HSD17B3: variants seen among roughly 807,000 people sequenced by gnomAD.
HSD17B3 encodes the protein hydroxysteroid 17-beta dehydrogenase 3, also known as 17-beta-hydroxysteroid dehydrogenase type 3.
In HSD17B3, 29 loss-of-function variants were observed where a neutral mutation model predicts 41.1. The observed-to-expected ratio is 0.71, with a 90% CI of 0.53 to 0.96. The LOEUF (loss-of-function observed/expected upper bound fraction) is 0.96, where lower values mean the gene tolerates loss of function less well. HSD17B3 is among the 40% of genes least tolerant of loss of function. The pLI is 0.00. For missense variants in HSD17B3, 323 were observed against 374.6 expected, an observed-to-expected ratio of 0.86 and a Z score of 1.14; for synonymous variants, 126 against 145.6, an observed-to-expected ratio of 0.87 and a Z score of 0.97.
chr9:96,241,647 GA>G (rs917905767), intron 9 of HSD17B3, among the ~76,000 whole-genome samples: 2 of 152,026 alleles, frequency 1.3e-5, no homozygotes, highest in East Asian at 3.9e-4. Flanking sequence ...TCTTTAGAAA[GA>G]AAAAAGGCTG....
chr9:96,286,957 G>A (rs571998702), intron 2 of HSD17B3, among the ~76,000 whole-genome samples: 10 of 152,254 alleles, frequency 6.6e-5, no homozygotes, highest in Admixed American at 2.0e-4. Flanking sequence ...CTTTACTTTC[G>A]TAATAATCTT....
At chr9:96,281,714 T>C (rs1027402695) in intron 2 of HSD17B3, among the ~76,000 whole-genome samples, 1 of 152,174 alleles carries the variant, frequency 6.6e-6, no homozygotes, top group Admixed American at 6.5e-5. Context: ...AACTTTTTCC[T>C]CCCTAAAAGG....
chr9:96,237,576 G>A (rs1321241871), intron 10 of HSD17B3, among the ~76,000 whole-genome samples: 2 of 152,214 alleles, frequency 1.3e-5, no homozygotes, highest in South Asian at 2.1e-4. Flanking sequence ...GGTGGAGGGC[G>A]TGCTATCTTT....
chr9:96,267,297 C>T (rs1166950953), intron 2 of HSD17B3, among the ~76,000 whole-genome samples: 1 of 151,846 alleles, frequency 6.6e-6, no homozygotes, highest in East Asian at 1.9e-4. Flanking sequence ...GCTGGGATTA[C>T]AGACACATGC....
At position 96,273,678 on chromosome 9, in the gene HSD17B3, A is replaced by T. The variant is rs374281501; in HGVS notation, c.202-18735T>A. 5.9e-5 allele frequency among the ~76,000 whole-genome samples: 9 copies of T among 152,170 alleles called. No individual in the cohort carries two copies. In the East Asian group the frequency reaches 1.7e-3, roughly 29 times the overall value. ...CTGTACCCTCAACTCTGACACCAGG[A>T]GGGATCCCCTTGGTCATAACTTCCC... On this transcript the variant is annotated intron_variant, in intron 2 of 10. Transcript: ENST00000375263.
At chr9:96,273,637 C>T (rs932743272) in intron 2 of HSD17B3, among the ~76,000 whole-genome samples, 2 of 152,176 alleles carry the variant, frequency 1.3e-5, no homozygotes, top group African/African-American at 4.8e-5. Flanking sequence ...CCAGCCTTGG[C>T]ACCACCATGC....
At chr9:96,240,710 G>C (rs774113661) in intron 10 of HSD17B3, 48 bp downstream of exon 10, 1 of 1,605,378 alleles carries the variant, frequency 6.2e-7, no homozygotes, top group Non-Finnish European at 8.5e-7. Context: ...AGGGCCACCT[G>C]CGTGTCCTCC....
At chr9:96,250,390 T>C in intron 5 of HSD17B3, 1 of 1,068,180 alleles carries the variant, frequency 9.4e-7, no homozygotes, top group African/African-American at 1.6e-5. Flanking sequence ...CAGAGAGGAG[T>C]TCAGGAGTTT....
intron 2 of HSD17B3, among the ~76,000 whole-genome samples, chr9:96,261,168 C>T (rs923693561): frequency 6.6e-6 from 1 of 151,774 alleles, no homozygotes; most frequent in Non-Finnish European, 1.5e-5. Context: ...ATCTAATGAG[C>T]AGGAGATTGT....
intron 2 of HSD17B3, among the ~76,000 whole-genome samples, chr9:96,280,633 T>G (rs1053235727): frequency 9.9e-5 from 15 of 152,142 alleles, no homozygotes; most frequent in African/African-American, 3.6e-4. Flanking sequence ...CAGAGGTATT[T>G]GAGCCACAGC....
intron 2 of HSD17B3, among the ~76,000 whole-genome samples, chr9:96,269,563 A>G (rs1234858400): frequency 6.6e-6 from 1 of 152,176 alleles, no homozygotes; most frequent in African/African-American, 2.4e-5. Context: ...TCATTCATCC[A>G]TGTCGGCATG....
intron 2 of HSD17B3, among the ~76,000 whole-genome samples, chr9:96,295,648 T>C (rs1490581017): frequency 6.6e-6 from 1 of 152,200 alleles, no homozygotes; most frequent in Admixed American, 6.5e-5. Context: ...GAGGAGCTTT[T>C]TTAACTGACA....
At chr9:96,285,151 TA>T (rs929696171) in intron 2 of HSD17B3, among the ~76,000 whole-genome samples, 1 of 152,054 alleles carries the variant, frequency 6.6e-6, no homozygotes, top group Non-Finnish European at 1.5e-5. Flanking sequence ...AGCCAATTTT[TA>T]AAAAAAGCTA....
Position 96,240,873 on chromosome 9 carries a change from G to C in HSD17B3, c.707C>G (p.Thr236Arg), listed in dbSNP as rs768700979. ...LTPYAVSTAM[T>R]KYLNTNVITK... ...TATCACATTTGTATTTAGATACTTTGTCATTGCAGTCGAGACAGCATATGG... is the reference window on the plus strand; with the variant it reads ...TATCACATTTGTATTTAGATACTTTCTCATTGCAGTCGAGACAGCATATGG... The change falls in exon 10 of 11, where the codon ACA (threonine) becomes AGA (arginine). Residue 236 changes from threonine (T) to arginine (R), a missense_variant. By Grantham distance (71) the Thr-to-Arg change is moderately conservative. Coordinates refer to ENST00000375263, the MANE Select transcript of HSD17B3 (RefSeq NM_000197.2). 2 of 1,614,166 alleles carry C rather than the reference G, an allele frequency of 1.2e-6. No homozygotes were observed. Among genetic ancestry groups the C allele is most frequent in the Non-Finnish European group, 1.7e-6 (2 of 1,180,004 alleles).
intron 2 of HSD17B3, among the ~76,000 whole-genome samples, chr9:96,297,470 C>A (rs1185858067): frequency 6.6e-6 from 1 of 151,658 alleles, no homozygotes; most frequent in African/African-American, 2.4e-5. Flanking sequence ...CCTCAGCCTC[C>A]CAAGTAGCTG....
chr9:96,250,475 C>T (rs928832282), intron 5 of HSD17B3: 12 of 1,058,618 alleles, frequency 1.1e-5, no homozygotes, highest in Admixed American at 1.0e-4. Flanking sequence ...TTACACAGGA[C>T]GATGGGATAC....
Position 96,288,613 on chromosome 9 carries a change from A to C in HSD17B3, c.201+9803T>G, listed in dbSNP as rs531871001. On this transcript the variant is annotated intron_variant, in intron 2 of 10. Coordinates refer to ENST00000375263, the MANE Select transcript of HSD17B3 (RefSeq NM_000197.2). ...CCAGGCAACACAGCAAGACACCCCC[A>C]CCACCACCACCATCTCTACAAAAAT... is the stretch of plus-strand genomic sequence containing the variant. Among the ~76,000 whole-genome samples, 569 of 151,880 alleles carry C rather than the reference A, an allele frequency of 3.7e-3. 9 individuals carry two copies. The highest frequency in any genetic ancestry group is 0.013 in the African/African-American group (531 of 41,404).
chr9:96,246,270 C>T lies in HSD17B3; in HGVS notation c.524+286G>A, dbSNP rs899928737. On this transcript the variant is annotated intron_variant, in intron 7 of 10. Coordinates refer to ENST00000375263, the MANE Select transcript of HSD17B3 (RefSeq NM_000197.2). ...AACTTCTGAAGTTTTCTTTTACACT[C>T]AACATTAGTTAATTTTTCTTTAATC... 4.6e-5 allele frequency among the ~76,000 whole-genome samples: 7 copies of T among 152,296 alleles called. No individual in the cohort carries two copies. In the East Asian group the frequency reaches 1.4e-3, roughly 29 times the overall value.
chr9:96,290,825 C>A (rs1003779292), intron 2 of HSD17B3, among the ~76,000 whole-genome samples: 6 of 151,602 alleles, frequency 4.0e-5, no homozygotes, highest in Non-Finnish European at 8.8e-5. Flanking sequence ...CAGAGTGAGA[C>A]CGGGCAAAAG....
Sources: gnomAD v4.1 joint callset for allele counts (sites outside exome capture counted in the v4.1 genomes callset) on GRCh38, gnomAD v4.1.1 for gene constraint, MANE v1.5 for transcripts, NCBI Gene and HGNC (gene_info 2026-07-23, HGNC 2026-07-21) for gene names.